Variants in FBXO39 observed in about 807,000 individuals in gnomAD.
The protein encoded by FBXO39 is F-box only protein 39.
A neutral mutation model predicts 36.6 loss-of-function variants in FBXO39; 22 were observed. The observed-to-expected ratio is 0.60, with a 90% CI of 0.43 to 0.86. FBXO39 has a LOEUF of 0.86. FBXO39 is among the 40% of genes least tolerant of loss of function. The probability of loss-of-function intolerance (pLI) is 0.00; values close to 1 mark genes in which losing one functional copy is unlikely to be tolerated. For missense variants in FBXO39, 536 were observed against 543.9 expected, an observed-to-expected ratio of 0.99 and a Z score of 0.14; for synonymous variants, 206 against 205.8, an observed-to-expected ratio of 1.00 and a Z score of -0.01.
intron 2 of FBXO39, among the ~76,000 whole-genome samples, chr17:6,781,587 A>G (rs866337146): frequency 1.3e-5 from 2 of 152,172 alleles, no homozygotes; most frequent in South Asian, 2.1e-4. Flanking sequence ...GGGGTACGGC[A>G]GACATCATCA....
chr17:6,779,702 A>C (rs1202502481), intron 1 of FBXO39, 87 bp from the exon 2 acceptor site: 1 of 681,316 alleles, frequency 1.5e-6, no homozygotes, highest in Non-Finnish European at 2.5e-6. Flanking sequence ...ACAGTGCCTA[A>C]TGCACTTGGG....
intron 1 of FBXO39, among the ~76,000 whole-genome samples, chr17:6,778,424 A>G (rs1466024316): frequency 1.3e-5 from 2 of 152,294 alleles, no homozygotes; most frequent in East Asian, 1.9e-4. Flanking sequence ...GACAGGAAAA[A>G]AAAGTACAGA....
chr17:6,786,720 C>CA (rs1419631853), intron 2 of FBXO39, 60 bp from the exon 3 acceptor site: 26 of 1,440,262 alleles, frequency 1.8e-5, no homozygotes, highest in Non-Finnish European at 2.4e-5. Context: ...TGTTACAGAA[C>CA]AACTCAGCCA....
chr17:6,780,142 C>G lies in FBXO39; in HGVS notation c.274C>G (p.Leu92Val), dbSNP rs758744565. 9 of 1,614,032 alleles carry G rather than the reference C, an allele frequency of 5.6e-6. No homozygotes were observed. The East Asian group carries it at 1.3e-4, about 24-fold the overall frequency. ...VKKFGRYLEH[L>V]EVKFMNPYNA... ...GAAGTTTGGTCGTTATCTGGAGCAC[C>G]TGGAGGTCAAATTCATGAATCCTTA... The change falls in exon 2 of 4, where the codon CTG becomes GTG. Residue 92 changes from leucine (L) to valine (V), a missense_variant. Physicochemically the swap from Leu to Val is conservative, Grantham distance 32. Transcript: ENST00000321535.
At position 6,780,378 on chromosome 17, in the gene FBXO39, A is replaced by G. The variant is rs781317251; in HGVS notation, c.510A>G (p.Lys170=). ...MGKRLDYLNL[K]GARLTVEQGC... ...AACGCCTGGATTATCTCAACCTAAAAGGGGCCAGGCTGACCGTGGAGCAAG... is the reference window on the plus strand; with the variant it reads ...AACGCCTGGATTATCTCAACCTAAAGGGGGCCAGGCTGACCGTGGAGCAAG... The change falls in exon 2 of 4, where the codon AAA becomes AAG. Residue 170 remains lysine (K), a synonymous_variant. Transcript: ENST00000321535. 3 of 1,614,068 alleles carry G rather than the reference A, an allele frequency of 1.9e-6. No individual in the cohort carries two copies. The highest frequency in any genetic ancestry group is 2.5e-6 in the Non-Finnish European group (3 of 1,180,028).
At chr17:6,785,970 G>A (rs139907360) in intron 2 of FBXO39, among the ~76,000 whole-genome samples, 2 of 152,296 alleles carry the variant, frequency 1.3e-5, no homozygotes, top group Admixed American at 1.3e-4. Context: ...TAAAAATAGA[G>A]CTTACATATG....
At position 6,787,535 on chromosome 17, in the gene FBXO39, T is replaced by G; in HGVS notation, c.*107T>G. On this transcript the variant is annotated 3_prime_UTR_variant, in exon 4 of 4. Transcript: ENST00000321535. The stretch of plus-strand genomic sequence containing the variant: ...GGCCCTTTTGCTCCTCTCTCTCCCC[T>G]CCACTTTTTTTTTTTGTCAGCTCCA... The G allele has an allele frequency of 1.2e-6, 1 of 807,316 alleles. No homozygotes were observed. Among genetic ancestry groups the G allele is most frequent in the Non-Finnish European group, 1.6e-6 (1 of 619,964 alleles). 50.0% of individuals were successfully genotyped at this position (807,316 alleles called of 1,614,324 possible). A position where few individuals can be genotyped will look rare whatever the true frequency, so the allele number is the denominator to read the frequency against.
intron 2 of FBXO39, among the ~76,000 whole-genome samples, chr17:6,786,472 T>C (rs1597777655): frequency 6.6e-6 from 1 of 152,184 alleles, no homozygotes; most frequent in Non-Finnish European, 1.5e-5. Context: ...CATCATTTAA[T>C]TGTACATTTT....
At chr17:6,777,969 G>A (rs1976454251) in intron 1 of FBXO39, among the ~76,000 whole-genome samples, 2 of 152,162 alleles carry the variant, frequency 1.3e-5, no homozygotes, top group Non-Finnish European at 2.9e-5. Context: ...AAGTGATGGC[G>A]TAGTGAGGAC....
intron 2 of FBXO39, among the ~76,000 whole-genome samples, 192 bp downstream of exon 2, chr17:6,781,083 C>T (rs541543610): frequency 6.6e-6 from 1 of 152,374 alleles, no homozygotes; most frequent in Admixed American, 6.5e-5. Context: ...CTGCTACTCA[C>T]TTCCTACATG....
Position 6,777,855 on chromosome 17 carries a change from GCGGGA to G in FBXO39, c.-81+1588_-81+1592del, listed in dbSNP as rs147279048. Among the ~76,000 whole-genome samples, 7 of 152,352 alleles carry G rather than the reference GCGGGA, an allele frequency of 4.6e-5. No individual in the cohort carries two copies. The East Asian group carries it at 1.3e-3, about 29-fold the overall frequency. ...GAACCACTAGGGCGCCACGTCATGG[GCGGGA>G]CGGGCTGCTGTTCAGTCCTTTACGG... On this transcript the variant is annotated intron_variant, in intron 1 of 3. Coordinates refer to ENST00000321535, the MANE Select transcript of FBXO39 (RefSeq NM_153230.3).
At chr17:6,778,951 C>A (rs757360818) in intron 1 of FBXO39, among the ~76,000 whole-genome samples, 11 of 152,170 alleles carry the variant, frequency 7.2e-5, no homozygotes, top group Non-Finnish European at 1.3e-4. Context: ...CTTCCTCTGT[C>A]CCCCAGGAGT....
At chr17:6,779,708 T>G in intron 1 of FBXO39, 81 bp from the exon 2 acceptor site, 1 of 730,298 alleles carries the variant, frequency 1.4e-6, no homozygotes, top group East Asian at 2.7e-5. Flanking sequence ...CCTAATGCAC[T>G]TGGGACCACA....
Position 6,786,768 on chromosome 17 carries a change from G to C in FBXO39, c.1024-12G>C. On this transcript the variant is annotated splice_polypyrimidine_tract_variant and intron_variant, in intron 2 of 3. Coordinates refer to ENST00000321535, the MANE Select transcript of FBXO39 (RefSeq NM_153230.3). ...CTGCCCACACACATCTTCCCTTTTGGTGCTCTTCCAGAAATTAACTTGTGA... is the reference window on the plus strand; with the variant it reads ...CTGCCCACACACATCTTCCCTTTTGCTGCTCTTCCAGAAATTAACTTGTGA... 10 of 1,589,844 alleles carry C rather than the reference G, an allele frequency of 6.3e-6. No individual in the cohort carries two copies. The highest frequency in any genetic ancestry group is 8.6e-6 in the Non-Finnish European group (10 of 1,168,238).
intron 3 of FBXO39, 77 bp downstream of exon 3, chr17:6,787,033 G>A: frequency 2.7e-6 from 4 of 1,481,950 alleles, no homozygotes; most frequent in Non-Finnish European, 3.6e-6. Flanking sequence ...GGAACGAAGG[G>A]CTGAATAAGG....
At chr17:6,781,028 C>T (rs2151573672) in intron 2 of FBXO39, 137 bp downstream of exon 2, 1 of 915,276 alleles carries the variant, frequency 1.1e-6, no homozygotes, top group East Asian at 2.6e-5. Flanking sequence ...ATACCACCAA[C>T]TAAGCCTCCT....
chr17:6,784,919 A>ATATATATATGTGTGTG, intron 2 of FBXO39, among the ~76,000 whole-genome samples: 3 of 91,180 alleles, frequency 3.3e-5, no homozygotes, highest in Middle Eastern at 4.9e-3. Flanking sequence ...TCTTAAATTT[A>ATATATATATGTGTGTG]TATATATATA....
intron 1 of FBXO39, 138 bp downstream of exon 1, chr17:6,776,410 C>G (rs1976411180): frequency 6.6e-6 from 1 of 151,646 alleles, no homozygotes; most frequent in Non-Finnish European, 1.5e-5. Context: ...TCATCACCCC[C>G]TCTGGGAAGC....
At chr17:6,778,499 G>T (rs1189605265) in intron 1 of FBXO39, among the ~76,000 whole-genome samples, 1 of 152,146 alleles carries the variant, frequency 6.6e-6, no homozygotes, top group Non-Finnish European at 1.5e-5. Flanking sequence ...GAGACTATAG[G>T]TGAGTCCCTT....
Sources: gnomAD v4.1 joint callset for allele counts (sites outside exome capture counted in the v4.1 genomes callset) on GRCh38, gnomAD v4.1.1 for gene constraint, MANE v1.5 for transcripts, NCBI Gene and HGNC (gene_info 2026-07-23, HGNC 2026-07-21) for gene names.